Variants in PTPRZ1 observed in about 807,000 individuals in gnomAD.
PTPRZ1 encodes protein tyrosine phosphatase receptor type Z1.
A neutral mutation model predicts 214.1 loss-of-function variants in PTPRZ1; 82 were observed. The observed-to-expected ratio is 0.38, with a 90% confidence interval of 0.32 to 0.46. PTPRZ1 has a LOEUF of 0.46. Ranked by LOEUF, PTPRZ1 falls within the 20% of genes least tolerant of loss-of-function variation. The pLI is 1.00. For synonymous variants in PTPRZ1, 945 were observed against 987.9 expected (o/e 0.96, Z 0.81); for missense variants, 2,603 against 2,748.7 (o/e 0.95, Z 1.19).
At chr7:121,979,376 G>GAC in intron 6 of PTPRZ1, among the ~76,000 whole-genome samples, 1 of 152,184 alleles carries the variant, frequency 6.6e-6, no homozygotes, top group East Asian at 1.9e-4. Flanking sequence ...GCAGGGAAGA[G>GAC]ACACATCCCA....
chr7:121,989,701 T>C (rs1452002023), intron 8 of PTPRZ1, among the ~76,000 whole-genome samples: 1 of 152,198 alleles, frequency 6.6e-6, no homozygotes, highest in Non-Finnish European at 1.5e-5. Flanking sequence ...GGATATACTA[T>C]CTCCTTCGGA....
chr7:121,963,649 T>C (rs953614999), intron 2 of PTPRZ1, among the ~76,000 whole-genome samples: 5 of 152,136 alleles, frequency 3.3e-5, no homozygotes, highest in African/African-American at 1.2e-4. Flanking sequence ...ATAGGGTCAG[T>C]TTGGGGACAG....
chr7:121,909,541 A>G (rs1324205469), intron 1 of PTPRZ1, among the ~76,000 whole-genome samples: 1 of 152,212 alleles, frequency 6.6e-6, no homozygotes, highest in Non-Finnish European at 1.5e-5. Context: ...TGAGAAAATA[A>G]TCAAATTTAA....
rs370607423 is a variant in PTPRZ1, at chr7:121,972,575, C to T, written c.339C>T (p.Ser113=). Residue 113 remains serine (S), a synonymous_variant, in exon 4 of 30, where the codon AGC becomes AGT. Transcript: ENST00000393386. ...EINLTNDYRV[S]GGVSEMVFKA... is the part of the protein sequence containing the mutation. ...ATCTCACTAATGACTACCGTGTCAG[C>T]GGAGGAGTTTCAGAAATGGTGTTTA... 3.3e-5 allele frequency: 53 copies of T among 1,612,308 alleles called. No individual in the cohort carries two copies. Among genetic ancestry groups the T allele is most frequent in the Admixed American group, 1.2e-4 (7 of 59,828 alleles).
chr7:121,997,970 G>A lies in PTPRZ1; in HGVS notation c.1204G>A (p.Asp402Asn), dbSNP rs779555520. ...TAATGGCTTATATGGAAAATACAGCGACCAACTGATTGTCGACATGCCTAC... is the reference window on the plus strand; with the variant it reads ...TAATGGCTTATATGGAAAATACAGCAACCAACTGATTGTCGACATGCCTAC... ...CTNGLYGKYS[D>N]QLIVDMPTDN... Residue 402 changes from aspartate (D) to asparagine (N), a missense_variant, in exon 10 of 30, where the codon GAC becomes AAC. By Grantham distance (23) the Asp-to-Asn change is conservative (BLOSUM62 1). Transcript: ENST00000393386. 3.7e-6 allele frequency: 6 copies of A among 1,613,002 alleles called. No homozygotes were observed. The highest frequency in any genetic ancestry group is 1.3e-5 in the African/African-American group (1 of 74,876).
chr7:121,995,362 G>A (rs1264366189), intron 8 of PTPRZ1, among the ~76,000 whole-genome samples: 2 of 152,190 alleles, frequency 1.3e-5, no homozygotes, highest in East Asian at 3.8e-4. Flanking sequence ...TATTCAGCCT[G>A]AGAGATCTTT....
chr7:121,996,719 A>T (rs561782342), intron 9 of PTPRZ1, among the ~76,000 whole-genome samples, 153 bp downstream of exon 9: 5 of 152,324 alleles, frequency 3.3e-5, no homozygotes, highest in Non-Finnish European at 7.4e-5. Flanking sequence ...TTAAAAAAAA[A>T]TTTTAAATTA....
At chr7:121,941,559 G>T (rs978381037) in intron 2 of PTPRZ1, among the ~76,000 whole-genome samples, 1 of 152,124 alleles carries the variant, frequency 6.6e-6, no homozygotes, top group Non-Finnish European at 1.5e-5. Flanking sequence ...TGCTTGTCCA[G>T]CATCTTCTAG....
At chr7:122,026,969 G>A (rs1193493751) in intron 13 of PTPRZ1, among the ~76,000 whole-genome samples, 1 of 152,158 alleles carries the variant, frequency 6.6e-6, no homozygotes, top group African/African-American at 2.4e-5. Flanking sequence ...AGACAAAGTA[G>A]TTTGCCTTGT....
chr7:121,968,652 AAAAG>A (rs1797119790), intron 3 of PTPRZ1, among the ~76,000 whole-genome samples: 1 of 151,690 alleles, frequency 6.6e-6, no homozygotes, highest in Non-Finnish European at 1.5e-5. Context: ...TTTTTTAAAA[AAAAG>A]CAAAATATAA....
At chr7:121,964,083 T>G (rs1244995947) in intron 2 of PTPRZ1, among the ~76,000 whole-genome samples, 1 of 152,164 alleles carries the variant, frequency 6.6e-6, no homozygotes, top group Non-Finnish European at 1.5e-5. Flanking sequence ...TCAAATTTTT[T>G]TGGTTATTTT....
At chr7:121,964,415 T>C (rs891423296) in intron 2 of PTPRZ1, among the ~76,000 whole-genome samples, 2 of 152,104 alleles carry the variant, frequency 1.3e-5, no homozygotes, top group African/African-American at 4.8e-5. Context: ...AAGCCCCTTA[T>C]AAAACCAGAA....
intron 1 of PTPRZ1, among the ~76,000 whole-genome samples, chr7:121,905,385 A>G (rs1298728654): frequency 6.6e-6 from 1 of 152,104 alleles, no homozygotes; most frequent in Non-Finnish European, 1.5e-5. Context: ...AGACGAGGAG[A>G]GTCATCAAGG....
chr7:121,989,183 T>G (rs188684832), intron 8 of PTPRZ1, among the ~76,000 whole-genome samples: 1 of 152,304 alleles, frequency 6.6e-6, no homozygotes, highest in East Asian at 1.9e-4. Flanking sequence ...CTGAAATCAT[T>G]ATAAAGAAGT....
At chr7:122,039,736 G>A in intron 20 of PTPRZ1, 148 bp downstream of exon 20, 1 of 1,026,022 alleles carries the variant, frequency 9.7e-7, no homozygotes, top group Non-Finnish European at 1.4e-6. Flanking sequence ...CATGGCTTAT[G>A]CCTGTAATCC....
chr7:121,911,295 A>T (rs1026301920), intron 1 of PTPRZ1, among the ~76,000 whole-genome samples: 1 of 152,142 alleles, frequency 6.6e-6, no homozygotes, highest in African/African-American at 2.4e-5. Flanking sequence ...AATTATATGC[A>T]CAGTTATGAC....
intron 10 of PTPRZ1, among the ~76,000 whole-genome samples, chr7:121,999,071 A>G (rs1798239192): frequency 6.6e-6 from 1 of 152,128 alleles, no homozygotes. Context: ...TAAAGATTAT[A>G]TGTGAGAGCA....
intron 23 of PTPRZ1, among the ~76,000 whole-genome samples, chr7:122,046,267 G>A (rs1319205913): frequency 6.6e-6 from 1 of 152,044 alleles, no homozygotes; most frequent in Non-Finnish European, 1.5e-5. Context: ...AAATTAGCTG[G>A]GTGGGTGGCA....
rs1798677833 is a variant in PTPRZ1, at chr7:122,011,885, G to A, written c.2839G>A (p.Ala947Thr). The part of the protein sequence containing the change: ...QHIFTVSYSS[A>T]IPVHDSVGVT... ...CATCTTCACTGTTTCTTACAGTTCT[G>A]CAATACCTGTGCATGATTCTGTGGG... The change falls in exon 12 of 30, where the codon GCA becomes ACA. Residue 947 changes from alanine (A) to threonine (T), a missense_variant. Physicochemically the swap from Ala to Thr is moderately conservative, Grantham distance 58 (BLOSUM62 0). Around this residue, in one of 6 missense-constraint regions of PTPRZ1, gnomAD observed 1,913 missense variants for 1,914.3 expected, o/e 1.00. Coordinates refer to ENST00000393386, the MANE Select transcript of PTPRZ1 (RefSeq NM_002851.3). The A allele has an allele frequency of 6.2e-7, 1 of 1,614,002 alleles. No individual in the cohort carries two copies. Among genetic ancestry groups the A allele is most frequent in the African/African-American group, 1.3e-5 (1 of 74,936 alleles).
Sources: gnomAD v4.1 joint callset for allele counts (sites outside exome capture counted in the v4.1 genomes callset) on GRCh38, gnomAD v4.1.1 for gene constraint, gnomAD v4.1.1 regional missense constraint, MANE v1.5 for transcripts, NCBI Gene and HGNC (gene_info 2026-07-23, HGNC 2026-07-21) for gene names.